BICC1: variants seen among roughly 807,000 people sequenced by gnomAD.
BICC1 encodes the protein BicC family RNA binding protein 1.
A neutral mutation model predicts 111.0 loss-of-function variants in BICC1; 43 were observed. The observed-to-expected ratio is 0.39, with a 90% CI of 0.30 to 0.50. The LOEUF (loss-of-function observed/expected upper bound fraction) is 0.50. Among genes scored for constraint, BICC1 ranks in the 20% least tolerant of loss-of-function variants. The pLI, the probability that BICC1 is intolerant of heterozygous loss-of-function variation, is 0.88. For missense variants in BICC1, 1,091 were observed against 1,203.2 expected (o/e 0.91, Z 1.38); for synonymous variants, 467 against 434.4 (o/e 1.07, Z -0.93).
At chr10:58,689,140 G>A (rs1589024863) in intron 2 of BICC1, among the ~76,000 whole-genome samples, 2 of 152,244 alleles carry the variant, frequency 1.3e-5, no homozygotes, top group African/African-American at 4.8e-5. Flanking sequence ...TAGGATCCAG[G>A]ATCCAGGTGT....
intron 3 of BICC1, among the ~76,000 whole-genome samples, chr10:58,714,609 A>G (rs1038965362): frequency 6.6e-6 from 1 of 152,024 alleles, no homozygotes; most frequent in Non-Finnish European, 1.5e-5. Context: ...AACTGTGACA[A>G]TTCCTAAGGT....
intron 2 of BICC1, among the ~76,000 whole-genome samples, chr10:58,634,829 G>T (rs571407412): frequency 6.6e-6 from 1 of 152,106 alleles, no homozygotes; most frequent in Non-Finnish European, 1.5e-5. Context: ...ATGGTATAAC[G>T]TATTCTTACA....
chr10:58,795,909 A>G lies in BICC1; in HGVS notation c.1180-431A>G, dbSNP rs558435543. Among the ~76,000 whole-genome samples, 6 of 152,282 alleles carry G rather than the reference A, an allele frequency of 3.9e-5. No homozygotes were observed. In the South Asian group the frequency reaches 1.2e-3, roughly 32 times the overall value. On this transcript the variant is annotated intron_variant, in intron 9 of 20. Coordinates refer to ENST00000373886, the MANE Select transcript of BICC1 (RefSeq NM_001080512.3). Reference sequence around the variant, plus strand: ...CACAAGTTTGATTTGGTATGTAATGACAAGATGCAAGGGGGAAGCTTTAGT... The same window carrying G: ...CACAAGTTTGATTTGGTATGTAATGGCAAGATGCAAGGGGGAAGCTTTAGT...
chr10:58,615,148 G>A (rs1479105563), intron 1 of BICC1, among the ~76,000 whole-genome samples: 3 of 151,422 alleles, frequency 2.0e-5, no homozygotes, highest in African/African-American at 7.3e-5. Flanking sequence ...CTTTAGCTAG[G>A]GCCACCCACA....
At chr10:58,598,472 T>C (rs1844908380) in intron 1 of BICC1, among the ~76,000 whole-genome samples, 1 of 152,136 alleles carries the variant, frequency 6.6e-6, no homozygotes, top group Admixed American at 6.6e-5. Context: ...AAACTGAAAC[T>C]GGACCCCTTC....
At chr10:58,597,464 C>T (rs1844853292) in intron 1 of BICC1, among the ~76,000 whole-genome samples, 1 of 152,144 alleles carries the variant, frequency 6.6e-6, no homozygotes, top group Non-Finnish European at 1.5e-5. Flanking sequence ...AGCAGAACTA[C>T]TGATAAGGGT....
At chr10:58,551,326 T>C (rs758768539) in intron 1 of BICC1, among the ~76,000 whole-genome samples, 4 of 152,168 alleles carry the variant, frequency 2.6e-5, no homozygotes, top group African/African-American at 4.8e-5. Context: ...TTTATACCTT[T>C]AAGCTGCAAA....
chr10:58,523,372 A>C (rs1415029029), intron 1 of BICC1, among the ~76,000 whole-genome samples: 1 of 152,262 alleles, frequency 6.6e-6, no homozygotes, highest in Non-Finnish European at 1.5e-5. Flanking sequence ...AGTTGGCTTC[A>C]TCCCTGGGAT....
intron 3 of BICC1, among the ~76,000 whole-genome samples, chr10:58,723,768 C>T (rs1287975211): frequency 6.6e-6 from 1 of 152,084 alleles, no homozygotes; most frequent in Non-Finnish European, 1.5e-5. Flanking sequence ...GAGGCTGTAG[C>T]CACAGAAGGA....
intron 1 of BICC1, among the ~76,000 whole-genome samples, chr10:58,514,288 A>G (rs1842182625): frequency 6.6e-6 from 1 of 152,212 alleles, no homozygotes; most frequent in African/African-American, 2.4e-5. Context: ...TTCTTAAAAT[A>G]CGTGTACGGG....
At chr10:58,540,760 A>G (rs1238003871) in intron 1 of BICC1, among the ~76,000 whole-genome samples, 1 of 152,052 alleles carries the variant, frequency 6.6e-6, no homozygotes, top group Non-Finnish European at 1.5e-5. Flanking sequence ...TCATTCTACA[A>G]GGTCAACATT....
chr10:58,615,090 C>A (rs947180828), intron 1 of BICC1, among the ~76,000 whole-genome samples: 7 of 152,170 alleles, frequency 4.6e-5, no homozygotes, highest in Admixed American at 1.3e-4. Context: ...CCCCGAGACA[C>A]TTTTCATTAG....
Position 58,786,966 on chromosome 10 carries a change from A to G in BICC1, c.431A>G (p.His144Arg), listed in dbSNP as rs1242738534. Residue 144 changes from histidine (H) to arginine (R), a missense_variant, in exon 5 of 21, where the codon CAT becomes CGT. Coordinates refer to ENST00000373886, the MANE Select transcript of BICC1 (RefSeq NM_001080512.3). ...TLKMDVSHTE[H>R]SHVIGKGGNN... is the part of the protein sequence containing the mutation. Reference sequence around the variant, plus strand: ...AAGATGGATGTTTCACATACAGAACATTCACATGTAATCGGCAAAGGTGGC... The same window carrying G: ...AAGATGGATGTTTCACATACAGAACGTTCACATGTAATCGGCAAAGGTGGC... 1.2e-6 allele frequency: 2 copies of G among 1,608,422 alleles called. No individual in the cohort carries two copies. Among genetic ancestry groups the G allele is most frequent in the African/African-American group, 1.3e-5 (1 of 74,490 alleles).
At chr10:58,776,570 AT>A (rs1409373682) in intron 3 of BICC1, among the ~76,000 whole-genome samples, 1 of 152,112 alleles carries the variant, frequency 6.6e-6, no homozygotes, top group Admixed American at 6.5e-5. Flanking sequence ...CTGGGATGCC[AT>A]TGCCATTGCA....
rs148884526 is a variant in BICC1, at chr10:58,667,281, C to A, written c.238-34793C>A. On this transcript the variant is annotated intron_variant, in intron 2 of 20. Coordinates refer to ENST00000373886, the MANE Select transcript of BICC1 (RefSeq NM_001080512.3). The stretch of plus-strand genomic sequence containing the variant: ...AGTTTAGATATACAATTTCTCATAG[C>A]TATTAATGATATTTCTTTACCAAAC... Among the ~76,000 whole-genome samples the A allele has an allele frequency of 5.4e-4, 69 of 127,894 alleles. 1 individual carries two copies. The East Asian group carries it at 0.014, about 27-fold the overall frequency. 83.9% of individuals were successfully genotyped at this position (127,894 alleles called of 152,430 possible).
intron 1 of BICC1, among the ~76,000 whole-genome samples, chr10:58,519,954 C>A (rs1418041242): frequency 6.6e-6 from 1 of 152,134 alleles, no homozygotes; most frequent in Non-Finnish European, 1.5e-5. Flanking sequence ...CCACACATGT[C>A]AGATTTGGTT....
intron 9 of BICC1, among the ~76,000 whole-genome samples, chr10:58,794,018 T>C (rs1213507561): frequency 6.6e-6 from 1 of 152,178 alleles, no homozygotes; most frequent in African/African-American, 2.4e-5. Context: ...TTTCTTTATA[T>C]ATGTGTTGGT....
intron 3 of BICC1, among the ~76,000 whole-genome samples, chr10:58,781,493 A>G (rs1008641937): frequency 6.6e-6 from 1 of 152,202 alleles, no homozygotes; most frequent in African/African-American, 2.4e-5. Flanking sequence ...TAAATGTCTC[A>G]AAACCTTTAT....
chr10:58,726,429 C>T (rs1415876973), intron 3 of BICC1, among the ~76,000 whole-genome samples: 1 of 152,156 alleles, frequency 6.6e-6, no homozygotes, highest in East Asian at 1.9e-4. Flanking sequence ...TCATATGTTT[C>T]CATTAACTTG....
Sources: allele counts gnomAD v4.1 joint callset (sites outside exome capture counted in the v4.1 genomes callset), GRCh38; gene constraint gnomAD v4.1.1; transcripts MANE v1.5; gene names NCBI Gene and HGNC (gene_info 2026-07-23, HGNC 2026-07-21).